WDR49: variants seen among roughly 807,000 people sequenced by gnomAD.
The protein encoded by WDR49 is WD repeat domain 49, also known as cilia- and flagella-associated protein 337.
WDR49 carries 107 observed loss-of-function variants against 119.5 expected under a neutral mutation model. That is an observed-to-expected ratio of 0.90 (90% CI 0.77 to 1.05). The LOEUF is 1.05. Among genes scored for constraint, WDR49 ranks in the 50% least tolerant of loss-of-function variants. The pLI is 0.00. For missense variants in WDR49, 1,240 were observed against 1,220.5 expected (o/e 1.02, Z -0.24); for synonymous variants, 425 against 418.8 (o/e 1.01, Z -0.18).
intron 8 of WDR49, among the ~76,000 whole-genome samples, chr3:167,571,853 T>A (rs1422666914): frequency 6.6e-6 from 1 of 152,208 alleles, no homozygotes; most frequent in African/African-American, 2.4e-5. Context: ...TACCATTTAC[T>A]CTATTAAAAT....
At chr3:167,634,067 T>C (rs1245789921) in intron 2 of WDR49, among the ~76,000 whole-genome samples, 1 of 152,000 alleles carries the variant, frequency 6.6e-6, no homozygotes, top group Non-Finnish European at 1.5e-5. Flanking sequence ...ATGGCTTTAA[T>C]AAAACCTTTA....
At chr3:167,573,429 C>CACACACAA (rs1553867435) in intron 8 of WDR49, among the ~76,000 whole-genome samples, 1 of 145,488 alleles carries the variant, frequency 6.9e-6, no homozygotes. Flanking sequence ...CACACACACA[C>CACACACAA]AACACAAATA....
At chr3:167,620,947 C>G (rs1056235954) in intron 4 of WDR49, among the ~76,000 whole-genome samples, 2 of 151,986 alleles carry the variant, frequency 1.3e-5, no homozygotes, top group East Asian at 3.9e-4. Context: ...TTTCATAGTT[C>G]GGGTGAAATT....
At chr3:167,633,978 G>A (rs758293644) in intron 2 of WDR49, among the ~76,000 whole-genome samples, 5 of 151,898 alleles carry the variant, frequency 3.3e-5, no homozygotes, top group Non-Finnish European at 4.4e-5. Context: ...TGGGAATTTC[G>A]GAAATTTTAC....
chr3:167,550,634 A>C (rs1403425099), intron 10 of WDR49, among the ~76,000 whole-genome samples: 1 of 151,958 alleles, frequency 6.6e-6, no homozygotes, highest in African/African-American at 2.4e-5. Context: ...AAATATCAAG[A>C]CATCACCTTG....
At chr3:167,563,368 AAAAAAAAAAG>A (rs1419711725) in intron 8 of WDR49, among the ~76,000 whole-genome samples, 12 of 150,456 alleles carry the variant, frequency 8.0e-5, no homozygotes, top group African/African-American at 2.4e-4. Flanking sequence ...AAAAAAAAAA[AAAAAAAAAAG>A]AAAGAAACCT....
At chr3:167,510,159 C>A (rs1751911716) in intron 16 of WDR49, among the ~76,000 whole-genome samples, 1 of 152,140 alleles carries the variant, frequency 6.6e-6, no homozygotes, top group Non-Finnish European at 1.5e-5. Context: ...CCGAGGCGGG[C>A]AGATCACGAG....
In WDR49 at chr3:167,536,958, GA is replaced by G; in HGVS notation, c.1865del (p.Phe622SerfsTer59). 6.3e-7 allele frequency: 1 copy of G among 1,591,208 alleles called. No homozygotes were observed. Among genetic ancestry groups the G allele is most frequent in the East Asian group, 2.3e-5 (1 of 43,126 alleles). Reference protein sequence around the residue: ...VFRPQNFNQFFIQPEEWKGGI... With the variant: ...VFRPQNFNQFXIQPEEWKGGI... ...CTCCTTTCCATTCTTCAGGCTGGAT[GA>G]AAAATTGATTGAAGTTTTGGGGTCG... On this transcript the variant is annotated frameshift_variant, in exon 11 of 19. Transcript: ENST00000682715. LOFTEE classifies it high-confidence loss of function.
At chr3:167,643,754 C>T (rs188010305) in intron 2 of WDR49, among the ~76,000 whole-genome samples, 1 of 151,856 alleles carries the variant, frequency 6.6e-6, no homozygotes. Context: ...TCAATAAATA[C>T]CTGTTGTAAG....
intron 10 of WDR49, among the ~76,000 whole-genome samples, chr3:167,550,996 A>G (rs1417032964): frequency 6.6e-6 from 1 of 151,982 alleles, no homozygotes; most frequent in African/African-American, 2.4e-5. Context: ...AATTGACTCT[A>G]TGCCAATTCA....
intron 7 of WDR49, among the ~76,000 whole-genome samples, chr3:167,578,867 C>T (rs577628148): frequency 3.3e-5 from 5 of 152,244 alleles, no homozygotes; most frequent in Non-Finnish European, 7.4e-5. Context: ...ATAACCAAGC[C>T]AGATGTCTAC....
At chr3:167,522,547 G>A (rs1030559213) in intron 15 of WDR49, 63 bp from the exon 16 acceptor site, 4 of 1,514,122 alleles carry the variant, frequency 2.6e-6, no homozygotes, top group African/African-American at 2.8e-5. Flanking sequence ...ACATTTACGT[G>A]TGTTTACCAT....
chr3:167,478,929 G>A lies in WDR49; in HGVS notation c.3099C>T (p.Ala1033=). Residue 1033 remains alanine (A), a synonymous_variant, in exon 19 of 19, where the codon GCC becomes GCT. Transcript: ENST00000682715. ...PKEILHHERK[A]KQLCQEKSCE... is the part of the protein sequence containing the mutation. Reference sequence around the variant, plus strand: ...AACTTTTTTCTTGGCATAATTGCTTGGCTTTTCGTTCATGATGCAGAATTT... The same window carrying A: ...AACTTTTTTCTTGGCATAATTGCTTAGCTTTTCGTTCATGATGCAGAATTT... The A allele has an allele frequency of 6.2e-7, 1 of 1,608,904 alleles. No individual in the cohort carries two copies. Among genetic ancestry groups the A allele is most frequent in the Non-Finnish European group, 8.5e-7 (1 of 1,178,702 alleles).
At chr3:167,495,056 T>C (rs1196883667) in intron 18 of WDR49, among the ~76,000 whole-genome samples, 1 of 152,074 alleles carries the variant, frequency 6.6e-6, no homozygotes, top group Non-Finnish European at 1.5e-5. Context: ...AAAAGAATAT[T>C]AATTTCAGTG....
chr3:167,579,843 C>T (rs956304087), intron 7 of WDR49, among the ~76,000 whole-genome samples: 2 of 151,990 alleles, frequency 1.3e-5, no homozygotes, highest in Admixed American at 6.6e-5. Context: ...ATGATAATCA[C>T]GTCTTCATCA....
chr3:167,555,277 C>T (rs1712859256), intron 9 of WDR49, among the ~76,000 whole-genome samples: 1 of 152,170 alleles, frequency 6.6e-6, no homozygotes, highest in African/African-American at 2.4e-5. Context: ...AGATTCTAGA[C>T]AGCTGAACAT....
chr3:167,635,237 T>A (rs1717555272), intron 2 of WDR49, among the ~76,000 whole-genome samples: 1 of 151,798 alleles, frequency 6.6e-6, no homozygotes, highest in South Asian at 2.1e-4. Context: ...TCCTGAAAAT[T>A]GTTTTTATAT....
At chr3:167,655,263 A>G (rs1718563225), upstream of WDR49, among the ~76,000 whole-genome samples, 2 of 152,190 alleles carry the variant, frequency 1.3e-5, no homozygotes, top group East Asian at 1.9e-4. Context: ...CCTTGAGTCA[A>G]TTATCTCCAC....
At chr3:167,655,142 A>T (rs190174881), upstream of WDR49, among the ~76,000 whole-genome samples, 122 of 152,286 alleles carry the variant, frequency 8.0e-4, no homozygotes, top group Middle Eastern at 3.4e-3. Context: ...CAAAGTCATG[A>T]CTTACATGGC....
Sources: gnomAD v4.1 joint callset for allele counts (sites outside exome capture counted in the v4.1 genomes callset) on GRCh38, gnomAD v4.1.1 for gene constraint, MANE v1.5 for transcripts, NCBI Gene and HGNC (gene_info 2026-07-23, HGNC 2026-07-21) for gene names.